The following CD2AP variants were observed in gnomAD, a reference collection of about 807,000 sequenced individuals.
CD2AP encodes CD2 associated protein, also known as CD2-associated protein.
CD2AP carries 46 observed loss-of-function variants against 85.1 expected under a neutral mutation model. The ratio of observed to expected loss-of-function variants is 0.54; its 90% CI spans 0.43 to 0.69. The LOEUF (loss-of-function observed/expected upper bound fraction) is 0.69. Ranked by LOEUF, CD2AP falls within the 30% of genes least tolerant of loss-of-function variation. The pLI is 0.00. For synonymous variants in CD2AP, 255 were observed against 252.9 expected (o/e 1.01, Z -0.08); for missense variants, 769 against 729.5 (o/e 1.05, Z -0.62).
At chr6:47,514,945 G>A (rs1030382505) in intron 2 of CD2AP, among the ~76,000 whole-genome samples, 1 of 151,920 alleles carries the variant, frequency 6.6e-6, no homozygotes, top group South Asian at 2.1e-4. Context: ...CCAGCTACTC[G>A]GGAGGCTGAG....
At chr6:47,483,891 C>T (rs528319289) in intron 1 of CD2AP, among the ~76,000 whole-genome samples, 1 of 149,670 alleles carries the variant, frequency 6.7e-6, no homozygotes, top group East Asian at 2.0e-4. Context: ...GCATATCCTT[C>T]TGTTTCAGAA....
chr6:47,570,367 T>C (rs1421929784), intron 5 of CD2AP, among the ~76,000 whole-genome samples: 3 of 152,146 alleles, frequency 2.0e-5, no homozygotes, highest in Admixed American at 2.0e-4. Flanking sequence ...ATACATAAAA[T>C]GCAGATGTTT....
chr6:47,583,513 A>AT (rs1342420737), intron 11 of CD2AP, among the ~76,000 whole-genome samples: 3 of 152,188 alleles, frequency 2.0e-5, no homozygotes, highest in Admixed American at 6.5e-5. Flanking sequence ...AGTTAGAATC[A>AT]TACAGCACGT....
At position 47,622,949 on chromosome 6, in the gene CD2AP, A is replaced by G. The variant is rs548703064; in HGVS notation, c.1879-1237A>G. ...GATTATGCATGCAGTAGTAGCCTTC[A>G]CACTCCCTACTCCCTCTTCTACCAA... On this transcript the variant is annotated intron_variant, in intron 17 of 17. Coordinates refer to ENST00000359314, the MANE Select transcript of CD2AP (RefSeq NM_012120.3). 3.3e-5 allele frequency among the ~76,000 whole-genome samples: 5 copies of G among 152,248 alleles called. No individual in the cohort carries two copies. The South Asian group carries it at 8.3e-4, about 25-fold the overall frequency.
chr6:47,587,351 C>T (rs556015677), intron 11 of CD2AP, among the ~76,000 whole-genome samples: 1 of 152,256 alleles, frequency 6.6e-6, no homozygotes, highest in East Asian at 1.9e-4. Flanking sequence ...AAACTGATCA[C>T]CCCTCTATTT....
intron 1 of CD2AP, among the ~76,000 whole-genome samples, chr6:47,488,254 A>T (rs1765618853): frequency 6.6e-6 from 1 of 152,124 alleles, no homozygotes; most frequent in Non-Finnish European, 1.5e-5. Flanking sequence ...TTAGGCATAA[A>T]GGCTTAATTT....
chr6:47,590,425 A>C (rs901672637), intron 11 of CD2AP, among the ~76,000 whole-genome samples: 1 of 152,256 alleles, frequency 6.6e-6, no homozygotes, highest in East Asian at 1.9e-4. Flanking sequence ...GAGACAAAAA[A>C]GATAGAAAAT....
At chr6:47,505,517 C>A (rs1328146806) in intron 2 of CD2AP, among the ~76,000 whole-genome samples, 1 of 150,296 alleles carries the variant, frequency 6.7e-6, no homozygotes, top group African/African-American at 2.5e-5. Flanking sequence ...CATTGTCATC[C>A]TGGCCCGTTC....
chr6:47,609,477 G>A (rs1769367266), intron 16 of CD2AP, 173 bp downstream of exon 16: 3 of 349,626 alleles, frequency 8.6e-6, no homozygotes, highest in South Asian at 8.5e-5. Flanking sequence ...AGGAGTTCGA[G>A]ACCAGCCTGG....
chr6:47,602,364 G>A (rs1769164083), intron 13 of CD2AP, among the ~76,000 whole-genome samples: 2 of 151,652 alleles, frequency 1.3e-5, no homozygotes, highest in Admixed American at 1.3e-4. Flanking sequence ...CTCAAAAATT[G>A]GTTTAAGGAA....
chr6:47,610,971 A>ATATATATATATATATATATATATATAT, intron 16 of CD2AP, among the ~76,000 whole-genome samples: 22 of 112,862 alleles, frequency 1.9e-4, no homozygotes, highest in African/African-American at 6.8e-4. Flanking sequence ...ATATATATGT[A>ATATATATATATATATATATATATATAT]TTTTTTTTTT....
intron 11 of CD2AP, among the ~76,000 whole-genome samples, chr6:47,583,809 A>G (rs979752308): frequency 6.6e-6 from 1 of 152,184 alleles, no homozygotes; most frequent in African/African-American, 2.4e-5. Flanking sequence ...ATATGGCAAG[A>G]GTATATTGAG....
intron 2 of CD2AP, among the ~76,000 whole-genome samples, chr6:47,514,975 C>T (rs1349641508): frequency 6.6e-6 from 1 of 151,804 alleles, no homozygotes; most frequent in Non-Finnish European, 1.5e-5. Context: ...TTGCTTGAAC[C>T]CAGGAGGCGG....
At chr6:47,610,971 A>ATATATAT in intron 16 of CD2AP, among the ~76,000 whole-genome samples, 127 of 112,858 alleles carry the variant, frequency 1.1e-3, no homozygotes, top group Non-Finnish European at 1.6e-3. Context: ...ATATATATGT[A>ATATATAT]TTTTTTTTTT....
chr6:47,576,971 A>T (rs1338291863), intron 7 of CD2AP, 38 bp from the exon 8 acceptor site: 1 of 1,059,284 alleles, frequency 9.4e-7, no homozygotes, highest in East Asian at 2.4e-5. Flanking sequence ...GAATGAATCC[A>T]TTTGTGTGAG....
At chr6:47,600,188 CT>C (rs1270548301) in intron 13 of CD2AP, among the ~76,000 whole-genome samples, 2 of 151,538 alleles carry the variant, frequency 1.3e-5, no homozygotes, top group African/African-American at 2.4e-5. Context: ...GAAGCAGATG[CT>C]TTTTTTTCCT....
intron 5 of CD2AP, among the ~76,000 whole-genome samples, chr6:47,561,949 T>C (rs1456282535): frequency 1.3e-5 from 2 of 152,146 alleles, no homozygotes; most frequent in Admixed American, 6.5e-5. Context: ...TTTTGTATTT[T>C]TAGTAGTTAC....
At chr6:47,572,985 G>A (rs973480381) in intron 5 of CD2AP, among the ~76,000 whole-genome samples, 19 of 151,872 alleles carry the variant, frequency 1.3e-4, no homozygotes, top group African/African-American at 3.1e-4. Flanking sequence ...CCGTACCCCC[G>A]GTCTTAAATG....
intron 8 of CD2AP, among the ~76,000 whole-genome samples, chr6:47,578,639 C>T (rs1262295502): frequency 1.3e-5 from 2 of 150,564 alleles, no homozygotes; most frequent in Non-Finnish European, 3.0e-5. Context: ...CTCTCTTTTC[C>T]ACTTCCTTTC....
Sources: allele counts gnomAD v4.1 joint callset (sites outside exome capture counted in the v4.1 genomes callset), GRCh38; gene constraint gnomAD v4.1.1; transcripts MANE v1.5; gene names NCBI Gene and HGNC (gene_info 2026-07-23, HGNC 2026-07-21).